ARID1B: variants seen among roughly 807,000 people sequenced by gnomAD.
The protein encoded by ARID1B is AT-rich interaction domain 1B, also known as AT-rich interactive domain-containing protein 1B.
ARID1B carries 30 observed loss-of-function variants against 212.3 expected under a neutral mutation model. That is an observed-to-expected ratio of 0.14 (90% CI 0.11 to 0.19). The LOEUF is 0.19. Among genes scored for constraint, ARID1B ranks in the 10% least tolerant of loss-of-function variants. The pLI is 1.00. For missense variants in ARID1B, 2,891 were observed against 3,204.0 expected (o/e 0.90, Z 2.36); for synonymous variants, 1,402 against 1,301.7 (o/e 1.08, Z -1.66).
intron 2 of ARID1B, among the ~76,000 whole-genome samples, chr6:156,856,694 TCTCTCTCACACACACA>T (rs1367746112): frequency 1.2e-5 from 1 of 83,306 alleles, no homozygotes; most frequent in African/African-American, 4.7e-5. Flanking sequence ...TCTCTCTCTC[TCTCTCTCACACACACA>T]CACACACACA....
At chr6:156,913,961 C>T (rs1790128737) in intron 3 of ARID1B, among the ~76,000 whole-genome samples, 1 of 151,092 alleles carries the variant, frequency 6.6e-6, no homozygotes, top group Admixed American at 6.6e-5. Context: ...CCCATCCCAG[C>T]CCATGGTGCC....
intron 1 of ARID1B, among the ~76,000 whole-genome samples, chr6:156,811,894 G>A (rs1781575920): frequency 6.6e-6 from 1 of 152,222 alleles, no homozygotes; most frequent in African/African-American, 2.4e-5. Context: ...ATATATAGAT[G>A]CCTTCCCCAA....
chr6:157,147,025 A>C (rs1190959465), intron 7 of ARID1B, among the ~76,000 whole-genome samples: 1 of 152,154 alleles, frequency 6.6e-6, no homozygotes, highest in South Asian at 2.1e-4. Flanking sequence ...GGTTATTGGA[A>C]GAAATGAATG....
intron 5 of ARID1B, among the ~76,000 whole-genome samples, chr6:157,095,792 T>A (rs1785576661): frequency 6.6e-6 from 1 of 152,186 alleles, no homozygotes; most frequent in South Asian, 2.1e-4. Context: ...AATTGTTACC[T>A]GAAGTTCATT....
At chr6:157,060,245 G>C (rs1271478190) in intron 4 of ARID1B, among the ~76,000 whole-genome samples, 2 of 152,170 alleles carry the variant, frequency 1.3e-5, no homozygotes, top group Non-Finnish European at 2.9e-5. Flanking sequence ...GCGCCTCTCA[G>C]CTCTGAATTC....
At chr6:157,162,761 G>A (rs866729289) in intron 8 of ARID1B, among the ~76,000 whole-genome samples, 3 of 152,200 alleles carry the variant, frequency 2.0e-5, no homozygotes, top group African/African-American at 4.8e-5. Flanking sequence ...CCAGGCGAGC[G>A]CAGTGTCGGC....
intron 3 of ARID1B, among the ~76,000 whole-genome samples, chr6:156,916,302 G>A (rs907367130): frequency 6.6e-6 from 1 of 151,990 alleles, no homozygotes; most frequent in African/African-American, 2.4e-5. Flanking sequence ...CTTTTTAGGG[G>A]GCAGAATTAG....
intron 4 of ARID1B, among the ~76,000 whole-genome samples, chr6:156,967,864 GTTCA>G (rs1794881075): frequency 1.3e-5 from 2 of 152,152 alleles, no homozygotes; most frequent in Non-Finnish European, 2.9e-5. Context: ...AGGAACTTTG[GTTCA>G]TTCAGTAGGG....
At chr6:157,046,561 C>G (rs1205514944) in intron 4 of ARID1B, among the ~76,000 whole-genome samples, 1 of 152,098 alleles carries the variant, frequency 6.6e-6, no homozygotes, top group Non-Finnish European at 1.5e-5. Flanking sequence ...GCTAACAGGC[C>G]TCCTGTATTC....
At chr6:157,131,891 A>G (rs961242258) in intron 6 of ARID1B, among the ~76,000 whole-genome samples, 6 of 152,108 alleles carry the variant, frequency 3.9e-5, no homozygotes, top group African/African-American at 1.2e-4. Context: ...GGGTTTCACC[A>G]TCTTGGCCAG....
intron 3 of ARID1B, among the ~76,000 whole-genome samples, chr6:156,922,909 G>A (rs1423807203): frequency 6.6e-6 from 1 of 152,218 alleles, no homozygotes; most frequent in Non-Finnish European, 1.5e-5. Context: ...AGTTTCTGAA[G>A]GCCTCCTGTG....
chr6:157,174,877 C>T lies in ARID1B; in HGVS notation c.3376C>T (p.Pro1126Ser). The T allele has an allele frequency of 1.3e-6, 2 of 1,551,150 alleles. No homozygotes were observed. The highest frequency in any genetic ancestry group is 2.5e-5 in the East Asian group (1 of 39,574). The change falls in exon 11 of 20, where the codon CCC becomes TCC. Residue 1126 changes from proline (P) to serine (S), a missense_variant. By Grantham distance (74) the Pro-to-Ser change is moderately conservative (BLOSUM62 -1). This residue lies in a region of ARID1B where 666 missense variants were observed against 873.5 expected (regional missense o/e 0.76). Transcript: ENST00000636930. ...DSYSSQGISQ[P>S]PTPGNLPVPS... is the part of the protein sequence containing the mutation. ...CTACAGCTCTCAGGGTATTTCTCAG[C>T]CCCCAACCCCAGGCAACCTGCCAGT...
At chr6:157,143,820 T>G (rs1233899318) in intron 7 of ARID1B, among the ~76,000 whole-genome samples, 2 of 152,272 alleles carry the variant, frequency 1.3e-5, no homozygotes, top group Non-Finnish European at 2.9e-5. Flanking sequence ...GGGGACTTTG[T>G]ATTTCTTCTA....
At chr6:156,879,453 A>C (rs953678999) in intron 2 of ARID1B, among the ~76,000 whole-genome samples, 9 of 152,214 alleles carry the variant, frequency 5.9e-5, no homozygotes, top group African/African-American at 2.2e-4. Flanking sequence ...GGCAAATGAG[A>C]GTATCGTAAA....
chr6:157,181,805 G>A (rs1257353934), intron 12 of ARID1B, among the ~76,000 whole-genome samples: 1 of 152,212 alleles, frequency 6.6e-6, no homozygotes, highest in African/African-American at 2.4e-5. Flanking sequence ...TTTCCTCACT[G>A]TAGCCCTCGC....
chr6:157,122,085 C>G (rs1787762232), intron 6 of ARID1B, among the ~76,000 whole-genome samples: 1 of 152,170 alleles, frequency 6.6e-6, no homozygotes, highest in African/African-American at 2.4e-5. Context: ...CACTGGGTCT[C>G]AAGCACCTAT....
At chr6:157,122,839 C>A (rs1464163652) in intron 6 of ARID1B, among the ~76,000 whole-genome samples, 1 of 152,116 alleles carries the variant, frequency 6.6e-6, no homozygotes, top group East Asian at 1.9e-4. Context: ...CCACCACACC[C>A]AGCTAACTTT....
chr6:156,985,472 T>C (rs1401595146), intron 4 of ARID1B: 4 of 152,250 alleles, frequency 2.6e-5, no homozygotes, highest in Non-Finnish European at 5.9e-5. Context: ...TGTCTGCTCA[T>C]ATTTAATTGA....
At chr6:156,875,233 T>G (rs1786450920) in intron 2 of ARID1B, among the ~76,000 whole-genome samples, 1 of 152,236 alleles carries the variant, frequency 6.6e-6, no homozygotes, top group Non-Finnish European at 1.5e-5. Flanking sequence ...ACTCAGTGTA[T>G]GGAAGGAAAG....
Sources: allele counts gnomAD v4.1 joint callset (sites outside exome capture counted in the v4.1 genomes callset), GRCh38; gene constraint gnomAD v4.1.1; regional missense constraint gnomAD v4.1.1; transcripts MANE v1.5; gene names NCBI Gene and HGNC (gene_info 2026-07-23, HGNC 2026-07-21).